Variants in SYCP1 observed in about 807,000 individuals in gnomAD.
The protein encoded by SYCP1 is synaptonemal complex protein 1.
Under a neutral mutation model 153.1 loss-of-function variants are expected in SYCP1, and 64 were observed. The observed-to-expected ratio is 0.42, with a 90% confidence interval of 0.34 to 0.51. The LOEUF (loss-of-function observed/expected upper bound fraction) is 0.51, where lower values mean the gene tolerates loss of function less well. Among genes scored for constraint, SYCP1 ranks in the 20% least tolerant of loss-of-function variants. The pLI is 0.06. For missense variants in SYCP1, 997 were observed against 1,049.0 expected (o/e 0.95, Z 0.68); for synonymous variants, 384 against 341.8 (o/e 1.12, Z -1.36).
At chr1:114,961,045 G>T (rs979839433) in intron 27 of SYCP1, among the ~76,000 whole-genome samples, 3 of 152,088 alleles carry the variant, frequency 2.0e-5, no homozygotes, top group African/African-American at 7.2e-5. Flanking sequence ...TTATTGGTCT[G>T]TTCAGAGTTT....
chr1:114,888,867 G>A lies in SYCP1; in HGVS notation c.1258+1174G>A, dbSNP rs550120700. The stretch of plus-strand genomic sequence containing the variant: ...TATCCCTCCCCCAGCCCCCCACCCC[G>A]CAACAGGTCCTGGTGTGTGAGGTTC... On this transcript the variant is annotated intron_variant, in intron 15 of 31. Transcript: ENST00000369522. Among the ~76,000 whole-genome samples the A allele has an allele frequency of 2.0e-4, 18 of 90,516 alleles. No homozygotes were observed. The South Asian group carries it at 4.9e-3, about 25-fold the overall frequency. 59.4% of individuals were successfully genotyped at this position (90,516 alleles called of 152,430 possible).
At chr1:114,969,452 G>A (rs547311617) in intron 27 of SYCP1, among the ~76,000 whole-genome samples, 14 of 152,232 alleles carry the variant, frequency 9.2e-5, no homozygotes, top group East Asian at 3.9e-4. Flanking sequence ...AGGGAAAACC[G>A]CCTACTGAAG....
chr1:114,962,776 T>C (rs991320799), intron 27 of SYCP1, among the ~76,000 whole-genome samples: 1 of 152,232 alleles, frequency 6.6e-6, no homozygotes, highest in South Asian at 2.1e-4. Flanking sequence ...GTAAGATTTA[T>C]GCTTTAAGGA....
intron 27 of SYCP1, among the ~76,000 whole-genome samples, chr1:114,972,680 T>A (rs1436633445): frequency 1.3e-5 from 2 of 152,194 alleles, no homozygotes; most frequent in Non-Finnish European, 2.9e-5. Context: ...TGGAGCATAT[T>A]GTTTAAATTC....
Position 114,857,285 on chromosome 1 carries a change from G to A in SYCP1, c.237+10G>A. 1 of 1,601,768 alleles carries A rather than the reference G, an allele frequency of 6.2e-7. No homozygotes were observed. Among genetic ancestry groups the A allele is most frequent in the South Asian group, 1.1e-5 (1 of 87,352 alleles). On this transcript the variant is annotated intron_variant, in intron 4 of 31. Coordinates refer to ENST00000369522, the MANE Select transcript of SYCP1 (RefSeq NM_003176.4). Reference sequence around the variant, plus strand: ...GCCCGTGCTTGAGCAGGTCAGTTAAGCATAGTACATGTAGATATAATCTGT... The same window carrying A: ...GCCCGTGCTTGAGCAGGTCAGTTAAACATAGTACATGTAGATATAATCTGT...
intron 27 of SYCP1, among the ~76,000 whole-genome samples, chr1:114,969,818 A>G (rs898582959): frequency 1.3e-5 from 2 of 152,190 alleles, no homozygotes; most frequent in African/African-American, 2.4e-5. Flanking sequence ...TGCAGAAACC[A>G]TAAGAAAAAC....
In SYCP1 at chr1:114,867,484, T is replaced by A. The variant is rs946789963; in HGVS notation, c.598+6675T>A. On this transcript the variant is annotated intron_variant, in intron 8 of 31. Coordinates refer to ENST00000369522, the MANE Select transcript of SYCP1 (RefSeq NM_003176.4). Reference sequence around the variant, plus strand: ...GATCTTGCATGTTTTGTTAGATTTGTACCTAAGTATTTCATTTTTTTTGTA... The same window carrying A: ...GATCTTGCATGTTTTGTTAGATTTGAACCTAAGTATTTCATTTTTTTTGTA... 6.6e-5 allele frequency among the ~76,000 whole-genome samples: 10 copies of A among 152,186 alleles called. 1 individual carries two copies. Among genetic ancestry groups the A allele is most frequent in the South Asian group, 4.1e-4 (2 of 4,832 alleles).
chr1:114,854,295 C>T (rs1663792673), upstream of SYCP1, among the ~76,000 whole-genome samples: 1 of 151,528 alleles, frequency 6.6e-6, no homozygotes, highest in African/African-American at 2.4e-5. Flanking sequence ...AGGTGCGCAC[C>T]ACCACACCCG....
chr1:114,964,695 G>A (rs924231684), intron 27 of SYCP1, among the ~76,000 whole-genome samples: 1 of 152,070 alleles, frequency 6.6e-6, no homozygotes, highest in African/African-American at 2.4e-5. Flanking sequence ...TAGATGTGTG[G>A]TGTTATTTCT....
intron 23 of SYCP1, among the ~76,000 whole-genome samples, chr1:114,935,984 C>T (rs1334023621): frequency 6.6e-6 from 1 of 152,138 alleles, no homozygotes; most frequent in East Asian, 1.9e-4. Flanking sequence ...CAAACAGAAG[C>T]TGGTACCATT....
At chr1:114,861,373 T>A (rs1484169622) in intron 8 of SYCP1, among the ~76,000 whole-genome samples, 1 of 152,174 alleles carries the variant, frequency 6.6e-6, no homozygotes, top group African/African-American at 2.4e-5. Flanking sequence ...GAAAAATAAG[T>A]GTGTGATTAT....
chr1:114,947,448 C>A, intron 27 of SYCP1, 128 bp downstream of exon 27: 1 of 651,270 alleles, frequency 1.5e-6, no homozygotes, highest in African/African-American at 1.9e-5. Context: ...TAATTTTCCC[C>A]CAGAAGCTTT....
At chr1:114,959,562 T>C (rs1671653970) in intron 27 of SYCP1, among the ~76,000 whole-genome samples, 1 of 152,218 alleles carries the variant, frequency 6.6e-6, no homozygotes, top group Admixed American at 6.5e-5. Flanking sequence ...CCTCAAGCAT[T>C]TATCCTTTGT....
At chr1:114,920,052 T>G (rs926087090) in intron 20 of SYCP1, among the ~76,000 whole-genome samples, 1 of 152,002 alleles carries the variant, frequency 6.6e-6, no homozygotes, top group African/African-American at 2.4e-5. Context: ...TTTGCTCTTC[T>G]TTTTGTAGTT....
intron 8 of SYCP1, among the ~76,000 whole-genome samples, chr1:114,869,815 A>G (rs939134033): frequency 6.6e-6 from 1 of 152,158 alleles, no homozygotes; most frequent in Non-Finnish European, 1.5e-5. Flanking sequence ...TACATGTCTT[A>G]CTGATTTTCT....
Position 114,860,815 on chromosome 1 carries a change from T to C in SYCP1, c.598+6T>C, listed in dbSNP as rs1664317460. Reference sequence around the variant, plus strand: ...TGCAGAAAAGACAAAGAAATGTAAATATCTTTCTTGTTTTATGTGATTTTA... The same window carrying C: ...TGCAGAAAAGACAAAGAAATGTAAACATCTTTCTTGTTTTATGTGATTTTA... On this transcript the variant is annotated splice_donor_region_variant and intron_variant, in intron 8 of 31. Transcript: ENST00000369522. 1 of 1,568,888 alleles carries C rather than the reference T, an allele frequency of 6.4e-7. No individual in the cohort carries two copies. Among genetic ancestry groups the C allele is most frequent in the Non-Finnish European group, 8.6e-7 (1 of 1,156,236 alleles).
At chr1:114,940,923 G>T in intron 23 of SYCP1, among the ~76,000 whole-genome samples, 1 of 151,852 alleles carries the variant, frequency 6.6e-6, no homozygotes, top group East Asian at 1.9e-4. Flanking sequence ...TCTAATTTCA[G>T]TTCTGTTAAC....
chr1:114,869,168 T>C (rs1030058411), intron 8 of SYCP1, among the ~76,000 whole-genome samples: 1 of 152,204 alleles, frequency 6.6e-6, no homozygotes, highest in African/African-American at 2.4e-5. Flanking sequence ...AATTTATGCA[T>C]TCAATGCTAT....
At chr1:114,992,362 G>C (rs901784504) in intron 30 of SYCP1, among the ~76,000 whole-genome samples, 4 of 151,644 alleles carry the variant, frequency 2.6e-5, no homozygotes, top group Non-Finnish European at 4.4e-5. Context: ...AATAAGGATA[G>C]AGTTGGAGGA....
Sources: allele counts gnomAD v4.1 joint callset (sites outside exome capture counted in the v4.1 genomes callset), GRCh38; gene constraint gnomAD v4.1.1; transcripts MANE v1.5; gene names NCBI Gene and HGNC (gene_info 2026-07-23, HGNC 2026-07-21).